PIK3R1: variants seen among roughly 807,000 people sequenced by gnomAD.
PIK3R1 encodes phosphatidylinositol 3-kinase regulatory subunit alpha.
PIK3R1 carries 29 observed loss-of-function variants against 98.0 expected under a neutral mutation model. That is an observed-to-expected ratio of 0.30 (90% CI 0.22 to 0.40). The LOEUF (loss-of-function observed/expected upper bound fraction) is 0.40. Ranked by LOEUF, PIK3R1 falls within the 10% of genes least tolerant of loss-of-function variation. PIK3R1 has a pLI of 1.00. For synonymous variants in PIK3R1, 282 were observed against 311.8 expected (o/e 0.90, Z 1.01); for missense variants, 596 against 872.7 (o/e 0.68, Z 3.99).
intron 2 of PIK3R1, among the ~76,000 whole-genome samples, chr5:68,231,909 G>A (rs1015576587): frequency 1.1e-4 from 17 of 152,250 alleles, no homozygotes; most frequent in African/African-American, 3.6e-4. Flanking sequence ...CTGTTTTTGC[G>A]AGAAAGTTGG....
chr5:68,231,602 C>T (rs1744480723), intron 2 of PIK3R1, among the ~76,000 whole-genome samples: 2 of 152,170 alleles, frequency 1.3e-5, no homozygotes, highest in African/African-American at 4.8e-5. Context: ...GTACAGAGGT[C>T]ACAGAAAATA....
intron 2 of PIK3R1, among the ~76,000 whole-genome samples, chr5:68,260,244 A>T (rs1445884164): frequency 1.3e-5 from 2 of 152,248 alleles, no homozygotes; most frequent in South Asian, 4.1e-4. Context: ...CTCAGAGGGG[A>T]ATGGATAAAC....
chr5:68,292,382 T>C (rs1175044115), intron 8 of PIK3R1, 21 bp downstream of exon 8: 3 of 1,565,300 alleles, frequency 1.9e-6, no homozygotes, highest in African/African-American at 1.4e-5. Context: ...AGAAACTTCA[T>C]TTTCAGAGAG....
At chr5:68,284,819 A>G (rs1263083177) in intron 7 of PIK3R1, among the ~76,000 whole-genome samples, 1 of 152,068 alleles carries the variant, frequency 6.6e-6, no homozygotes, top group Non-Finnish European at 1.5e-5. Flanking sequence ...ATAGTAATAC[A>G]TCAACACATC....
intron 4 of PIK3R1, among the ~76,000 whole-genome samples, chr5:68,275,974 C>T (rs2014200888): frequency 6.6e-6 from 1 of 152,238 alleles, no homozygotes; most frequent in Non-Finnish European, 1.5e-5. Flanking sequence ...GTCCTAGTAA[C>T]TTTAACTCAC....
At chr5:68,277,156 G>A (rs75807666) in intron 4 of PIK3R1, among the ~76,000 whole-genome samples, 1,904 of 152,246 alleles carry the variant, frequency 0.013, 40 homozygotes, top group African/African-American at 0.042. Context: ...TTAATTTTCC[G>A]GGCAGAGAGA....
intron 2 of PIK3R1, among the ~76,000 whole-genome samples, chr5:68,263,484 A>G (rs1421278692): frequency 6.6e-6 from 1 of 151,948 alleles, no homozygotes; most frequent in African/African-American, 2.4e-5. Context: ...TCTTTAGTAG[A>G]GAGGTGAGTA....
chr5:68,254,462 A>G (rs1230966425), intron 2 of PIK3R1, among the ~76,000 whole-genome samples: 1 of 152,250 alleles, frequency 6.6e-6, no homozygotes, highest in Non-Finnish European at 1.5e-5. Flanking sequence ...GGACATTGGA[A>G]TCTCTCTATA....
chr5:68,249,638 C>G (rs1745225207), intron 2 of PIK3R1, among the ~76,000 whole-genome samples: 1 of 152,158 alleles, frequency 6.6e-6, no homozygotes, highest in African/African-American at 2.4e-5. Context: ...ATTCTGTTAA[C>G]CCAGTAGCTT....
rs1380929764 is a variant in PIK3R1 at position 68,226,219 on chromosome 5, G to A, written c.-386-71G>A. On this transcript the variant is annotated intron_variant, in intron 1 of 15. Transcript: ENST00000521381. ...TCGATTAAGTACTTGTTGAATGGAA[G>A]TAGAAATTCCAATTAACACAGATGG... is the stretch of plus-strand genomic sequence containing the variant. The A allele has an allele frequency of 1.5e-5, 6 of 394,674 alleles. No homozygotes were observed. In the East Asian group the frequency reaches 1.8e-4, roughly 12 times the overall value. 24.4% of individuals were successfully genotyped at this position (394,674 alleles called of 1,614,324 possible).
At chr5:68,280,212 A>C in intron 5 of PIK3R1, 1 of 394,846 alleles carries the variant, frequency 2.5e-6, no homozygotes. Context: ...TGTGATACTT[A>C]TCTGATGCTC....
chr5:68,298,326 GACTA>G lies in PIK3R1; in HGVS notation c.*730_*733del, dbSNP rs1337315180. 15 of 233,134 alleles carry G rather than the reference GACTA, an allele frequency of 6.4e-5. No individual in the cohort carries two copies. Among genetic ancestry groups the G allele is most frequent in the South Asian group, 5.4e-4 (3 of 5,530 alleles). 14.4% of individuals were successfully genotyped at this position (233,134 alleles called of 1,614,324 possible). A position where few individuals can be genotyped will look rare whatever the true frequency, so the allele number is the denominator to read the frequency against. On this transcript the variant is annotated 3_prime_UTR_variant, in exon 16 of 16. Coordinates refer to ENST00000521381, the MANE Select transcript of PIK3R1 (RefSeq NM_181523.3). ...ATAAAATATGTACATAATATTGGATGACTAACTATCAAATAGATGGATTTGTATC... is the reference window on the plus strand; with the variant it reads ...ATAAAATATGTACATAATATTGGATGACTATCAAATAGATGGATTTGTATC...
chr5:68,270,811 TTG>T, intron 2 of PIK3R1, among the ~76,000 whole-genome samples: 1 of 152,292 alleles, frequency 6.6e-6, no homozygotes, highest in East Asian at 1.9e-4. Flanking sequence ...TAGAAGGTGT[TTG>T]TGAGAGAGGA....
chr5:68,296,755 A>T (rs1747734392), intron 15 of PIK3R1, among the ~76,000 whole-genome samples: 1 of 152,238 alleles, frequency 6.6e-6, no homozygotes, highest in Non-Finnish European at 1.5e-5. Flanking sequence ...CAGGTGAAAA[A>T]AAAAAGGATT....
In PIK3R1 at chr5:68,226,607, A is replaced by C; in HGVS notation, c.-69A>C. 1 of 1,287,478 alleles carries C rather than the reference A, an allele frequency of 7.8e-7. No homozygotes were observed. The highest frequency in any genetic ancestry group is 1.1e-6 in the Non-Finnish European group (1 of 910,122). 79.8% of individuals were successfully genotyped at this position (1,287,478 alleles called of 1,614,324 possible). ...AACACATTCTCTGAATTCACTTTTC[A>C]TAAAAACGTAAAATCAGACTGCTCT... On this transcript the variant is annotated 5_prime_UTR_variant, in exon 2 of 16. Transcript: ENST00000521381.
At chr5:68,273,771 A>G (rs1746458837) in intron 3 of PIK3R1, 168 bp from the exon 4 acceptor site, 2 of 660,904 alleles carry the variant, frequency 3.0e-6, no homozygotes, top group Non-Finnish European at 5.3e-6. Flanking sequence ...TGCCAAAATT[A>G]TCAACATGCC....
At chr5:68,231,841 A>G (rs1207349004) in intron 2 of PIK3R1, among the ~76,000 whole-genome samples, 1 of 152,178 alleles carries the variant, frequency 6.6e-6, no homozygotes, top group East Asian at 1.9e-4. Flanking sequence ...AGCCCAAGTG[A>G]TGGGGAAAAC....
intron 2 of PIK3R1, 107 bp downstream of exon 2, chr5:68,227,116 C>T: frequency 1.1e-6 from 1 of 907,170 alleles, no homozygotes; most frequent in Non-Finnish European, 1.7e-6. Context: ...GTTACCTTGG[C>T]AACTGCACCT....
chr5:68,300,423 T>A lies in PIK3R1; in HGVS notation c.*2822T>A, dbSNP rs1345113799. 4.3e-6 allele frequency: 1 copy of A among 232,978 alleles called. No individual in the cohort carries two copies. The allele number at this position is 232,978 out of a possible 1,614,324, so 14.4% of individuals were successfully genotyped here. ...CAGCAGAGGCACTCCTGATATATGA[T>A]TTTTATCCATGCGTCAGTTTTTCCC... On this transcript the variant is annotated 3_prime_UTR_variant, in exon 16 of 16. Coordinates refer to ENST00000521381, the MANE Select transcript of PIK3R1 (RefSeq NM_181523.3).
Sources: gnomAD v4.1 joint callset for allele counts (sites outside exome capture counted in the v4.1 genomes callset) on GRCh38, gnomAD v4.1.1 for gene constraint, MANE v1.5 for transcripts, NCBI Gene and HGNC (gene_info 2026-07-23, HGNC 2026-07-21) for gene names.